The following GAREM1 variants were observed in gnomAD, a reference collection of about 807,000 sequenced individuals.
The protein encoded by GAREM1 is GRB2-associated and regulator of MAPK protein 1.
Under a neutral mutation model 71.3 loss-of-function variants are expected in GAREM1, and 26 were observed. The ratio of observed to expected loss-of-function variants is 0.36; its 90% CI spans 0.27 to 0.51. The LOEUF is 0.51. GAREM1 is among the 20% of genes least tolerant of loss of function. The pLI, the probability that GAREM1 is intolerant of heterozygous loss-of-function variation, is 0.95. For missense variants in GAREM1, 1,026 were observed against 1,103.1 expected (o/e 0.93, Z 0.99); for synonymous variants, 440 against 433.2 (o/e 1.02, Z -0.20).
chr18:32,415,661 A>C (rs1354020366), intron 1 of GAREM1, among the ~76,000 whole-genome samples: 1 of 152,154 alleles, frequency 6.6e-6, no homozygotes, highest in Non-Finnish European at 1.5e-5. Flanking sequence ...ATCATTTGAT[A>C]AAGCTCAACA....
chr18:32,393,177 A>AT, intron 1 of GAREM1, 142 bp from the exon 2 acceptor site: 56 of 651,758 alleles, frequency 8.6e-5, no homozygotes, highest in Middle Eastern at 9.2e-4. Flanking sequence ...TTACCTCTGA[A>AT]TTGTTTTTTT....
chr18:32,332,161 A>G (rs1285988342), intron 2 of GAREM1, among the ~76,000 whole-genome samples: 1 of 151,704 alleles, frequency 6.6e-6, no homozygotes, highest in Non-Finnish European at 1.5e-5. Flanking sequence ...CCTTTGGGAT[A>G]CAGTTTTGGC....
At chr18:32,316,058 T>C (rs1048300086) in intron 2 of GAREM1, among the ~76,000 whole-genome samples, 3 of 152,210 alleles carry the variant, frequency 2.0e-5, no homozygotes, top group East Asian at 1.9e-4. Flanking sequence ...GGTATGGTCA[T>C]AGGGTCCATA....
chr18:32,398,711 G>A (rs960894361), intron 1 of GAREM1, among the ~76,000 whole-genome samples: 8 of 152,078 alleles, frequency 5.3e-5, no homozygotes, highest in African/African-American at 1.7e-4. Context: ...GGACCAGATG[G>A]ATTCACAGCT....
In GAREM1 at chr18:32,348,157, T is replaced by C. The variant is rs1174538267; in HGVS notation, c.263-37834A>G. Among the ~76,000 whole-genome samples, 4 of 152,216 alleles carry C rather than the reference T, an allele frequency of 2.6e-5. No individual in the cohort carries two copies. In the East Asian group the frequency reaches 5.8e-4, roughly 22 times the overall value. ...TTGCCATAGAGCAATGCTAGGAGGA[T>C]TAAACATAAAATTCACAATGATTTG... On this transcript the variant is annotated intron_variant, in intron 2 of 5. Coordinates refer to ENST00000269209, the MANE Select transcript of GAREM1 (RefSeq NM_001242409.2).
At chr18:32,430,556 C>A (rs563230131) in intron 1 of GAREM1, among the ~76,000 whole-genome samples, 1 of 152,336 alleles carries the variant, frequency 6.6e-6, no homozygotes, top group Non-Finnish European at 1.5e-5. Flanking sequence ...GTACACCTCA[C>A]CCTGTTTCTC....
At chr18:32,455,313 G>A (rs1433797592) in intron 1 of GAREM1, among the ~76,000 whole-genome samples, 13 of 151,996 alleles carry the variant, frequency 8.6e-5, no homozygotes, top group Non-Finnish European at 2.9e-5. Flanking sequence ...AAAATGTAAG[G>A]GAAATTTAAG....
Position 32,308,271 on chromosome 18 carries a change from AAG to A in GAREM1, c.393+1920_393+1921del, listed in dbSNP as rs1401003616. Among the ~76,000 whole-genome samples the A allele has an allele frequency of 2.0e-5, 3 of 150,848 alleles. 1 individual carries two copies. Among genetic ancestry groups the A allele is most frequent in the African/African-American group, 7.3e-5 (3 of 40,826 alleles). On this transcript the variant is annotated intron_variant, in intron 3 of 5. Coordinates refer to ENST00000269209, the MANE Select transcript of GAREM1 (RefSeq NM_001242409.2). ...CAGTCATGGTATTCTATATTAAAAA[AAG>A]AACTCTAAAATGTATAAATTTAAGT...
At chr18:32,314,596 T>G (rs188809871) in intron 2 of GAREM1, among the ~76,000 whole-genome samples, 2,602 of 151,638 alleles carry the variant, frequency 0.017, 42 homozygotes, top group Non-Finnish European at 0.024. Context: ...TGTTGTTGTT[T>G]TTTTTTTTTT....
At chr18:32,317,380 G>A (rs1455867632) in intron 2 of GAREM1, among the ~76,000 whole-genome samples, 1 of 138,318 alleles carries the variant, frequency 7.2e-6, no homozygotes, top group African/African-American at 2.8e-5. Context: ...ATTCCAGTGA[G>A]AGCGCTCTGT....
intron 4 of GAREM1, among the ~76,000 whole-genome samples, 192 bp from the exon 5 acceptor site, chr18:32,270,575 G>A (rs2041446117): frequency 6.6e-6 from 1 of 152,234 alleles, no homozygotes; most frequent in Admixed American, 6.5e-5. Flanking sequence ...TCAGGCGCCT[G>A]TCACACACTT....
intron 2 of GAREM1, among the ~76,000 whole-genome samples, chr18:32,329,516 G>A (rs868265873): frequency 6.6e-6 from 1 of 151,784 alleles, no homozygotes; most frequent in African/African-American, 2.4e-5. Flanking sequence ...GACCAGCCTG[G>A]CCAATATGGT....
chr18:32,345,939 C>G (rs2047691546), intron 2 of GAREM1, among the ~76,000 whole-genome samples: 1 of 152,116 alleles, frequency 6.6e-6, no homozygotes, highest in Admixed American at 6.5e-5. Context: ...TTATCATTAA[C>G]TATCGTAAGG....
chr18:32,324,767 G>A (rs1244320792), intron 2 of GAREM1, among the ~76,000 whole-genome samples: 2 of 152,216 alleles, frequency 1.3e-5, no homozygotes, highest in South Asian at 4.1e-4. Context: ...AGCTACAAAC[G>A]GCAAGGCAAT....
chr18:32,322,651 T>C (rs1300169003), intron 2 of GAREM1, among the ~76,000 whole-genome samples: 1 of 133,630 alleles, frequency 7.5e-6, no homozygotes. Context: ...GTCAATCACC[T>C]TTTTATTCCC....
intron 2 of GAREM1, among the ~76,000 whole-genome samples, chr18:32,320,324 T>C (rs547940138): frequency 4.2e-4 from 64 of 152,302 alleles, no homozygotes; most frequent in Non-Finnish European, 7.4e-4. Flanking sequence ...ATCTTTGAAA[T>C]TTCTGCTGAT....
At chr18:32,376,665 C>T (rs1035059457) in intron 2 of GAREM1, among the ~76,000 whole-genome samples, 1 of 151,798 alleles carries the variant, frequency 6.6e-6, no homozygotes, top group Admixed American at 6.6e-5. Flanking sequence ...TGGCAAAACC[C>T]CATCTCTATT....
In GAREM1 at chr18:32,309,370, C is replaced by T. The variant is rs184685329; in HGVS notation, c.393+823G>A. On this transcript the variant is annotated intron_variant, in intron 3 of 5. Coordinates refer to ENST00000269209, the MANE Select transcript of GAREM1 (RefSeq NM_001242409.2). ...GTGGCTCACACCTGTAATCCCAGCA[C>T]TTTGGGAGGCCAAGGTGGGCAGATC... is the stretch of plus-strand genomic sequence containing the variant. 2.7e-4 allele frequency among the ~76,000 whole-genome samples: 40 copies of T among 149,298 alleles called. 1 individual carries two copies. In the East Asian group the frequency reaches 3.1e-3, roughly 12 times the overall value.
At chr18:32,310,715 C>A (rs1471224241) in intron 2 of GAREM1, among the ~76,000 whole-genome samples, 1 of 152,124 alleles carries the variant, frequency 6.6e-6, no homozygotes, top group Non-Finnish European at 1.5e-5. Context: ...CATTTACATT[C>A]TAGAACCGAG....
Sources: allele counts gnomAD v4.1 joint callset (sites outside exome capture counted in the v4.1 genomes callset), GRCh38; gene constraint gnomAD v4.1.1; transcripts MANE v1.5; gene names NCBI Gene and HGNC (gene_info 2026-07-23, HGNC 2026-07-21).